Variants in GRM1 observed in about 807,000 individuals in gnomAD.
The protein encoded by GRM1 is metabotropic glutamate receptor 1.
A neutral mutation model predicts 90.9 loss-of-function variants in GRM1; 33 were observed. The ratio of observed to expected loss-of-function variants is 0.36; its 90% CI spans 0.28 to 0.49. GRM1 has a LOEUF of 0.49. GRM1 is among the 20% of genes least tolerant of loss of function. GRM1 has a pLI of 0.99. For missense variants in GRM1, 1,190 were observed against 1,534.3 expected (o/e 0.78, Z 3.75); for synonymous variants, 700 against 613.2 (o/e 1.14, Z -2.09).
intron 2 of GRM1, among the ~76,000 whole-genome samples, chr6:146,262,958 A>G (rs929721825): frequency 6.6e-6 from 1 of 151,990 alleles, no homozygotes; most frequent in African/African-American, 2.4e-5. Flanking sequence ...AGCCATCCAT[A>G]TGGTATTTCT....
At chr6:146,267,741 G>A (rs1049479226) in intron 2 of GRM1, among the ~76,000 whole-genome samples, 1 of 146,522 alleles carries the variant, frequency 6.8e-6, no homozygotes, top group Non-Finnish European at 1.5e-5. Flanking sequence ...GTCTCGTCTC[G>A]TCTCGTCTCG....
intron 3 of GRM1, among the ~76,000 whole-genome samples, chr6:146,323,922 G>A (rs914081037): frequency 8.5e-5 from 13 of 152,136 alleles, no homozygotes; most frequent in African/African-American, 2.9e-4. Context: ...CATTATTTCT[G>A]AGGGCTCTGT....
At chr6:146,070,673 G>T (rs1236604650) in intron 1 of GRM1, among the ~76,000 whole-genome samples, 3 of 152,126 alleles carry the variant, frequency 2.0e-5, no homozygotes, top group Non-Finnish European at 4.4e-5. Context: ...ATAAAATTAA[G>T]AGGTAGCAAA....
intron 1 of GRM1, among the ~76,000 whole-genome samples, chr6:146,152,712 AAGGG>A (rs1437405485): frequency 6.6e-6 from 1 of 152,172 alleles, no homozygotes. Context: ...CATCAAATTG[AAGGG>A]AGAGTCAATG....
intron 2 of GRM1, among the ~76,000 whole-genome samples, chr6:146,262,541 CA>C (rs1273552166): frequency 1.3e-5 from 2 of 151,756 alleles, no homozygotes; most frequent in African/African-American, 4.8e-5. Flanking sequence ...CTGTTTACAA[CA>C]GAAATCATCA....
chr6:146,343,509 T>C (rs1397423508), intron 3 of GRM1, among the ~76,000 whole-genome samples: 1 of 152,110 alleles, frequency 6.6e-6, no homozygotes, highest in Non-Finnish European at 1.5e-5. Flanking sequence ...AGCATGGGTA[T>C]TTATTTTATA....
intron 1 of GRM1, among the ~76,000 whole-genome samples, chr6:146,068,404 C>T (rs1167107683): frequency 1.3e-5 from 2 of 152,176 alleles, no homozygotes; most frequent in South Asian, 2.1e-4. Flanking sequence ...TGAGCCACCG[C>T]GCCCGGCCTC....
intron 2 of GRM1, among the ~76,000 whole-genome samples, chr6:146,167,425 T>C (rs917926268): frequency 2.0e-5 from 3 of 152,144 alleles, no homozygotes; most frequent in Non-Finnish European, 4.4e-5. Context: ...TTATGGGTCA[T>C]AAGTGTGTGT....
intron 2 of GRM1, among the ~76,000 whole-genome samples, chr6:146,210,493 C>T (rs900467372): frequency 4.6e-5 from 7 of 152,020 alleles, no homozygotes; most frequent in Non-Finnish European, 7.4e-5. Flanking sequence ...CAATTTAGTA[C>T]GGGGAACAGA....
In GRM1 at chr6:146,277,226, T is replaced by C. The variant is rs73577150; in HGVS notation, c.951-27385T>C. On this transcript the variant is annotated intron_variant, in intron 2 of 7. Coordinates refer to ENST00000282753, the MANE Select transcript of GRM1 (RefSeq NM_001278064.2). ...GAGTGTGTGCTCAGGAAAGGGTTAA[T>C]TTGTTCATCTTGGGTTAACTCTGGG... 8.5e-3 allele frequency among the ~76,000 whole-genome samples: 1,299 copies of C among 152,334 alleles called. 20 individuals are homozygous for C. Among genetic ancestry groups the C allele is most frequent in the African/African-American group, 0.03 (1,232 of 41,580 alleles).
At chr6:146,310,235 C>A (rs1783727244) in intron 3 of GRM1, among the ~76,000 whole-genome samples, 2 of 152,164 alleles carry the variant, frequency 1.3e-5, no homozygotes, top group Non-Finnish European at 2.9e-5. Context: ...TAGACTGATA[C>A]TAATTTTCAT....
In GRM1 at chr6:146,433,918, G is replaced by A. The variant is rs1390746716; in HGVS notation, c.2707G>A (p.Val903Met). The change falls in exon 8 of 8, where the codon GTG (valine) becomes ATG (methionine). Residue 903 changes from valine (V) to methionine (M), a missense_variant. Physicochemically the swap from Val to Met is conservative, Grantham distance 21. Transcript: ENST00000282753. ...VSWSEPGGGQ[V>M]PKGQHMWHRL... ...ATGGTCTGAACCAGGTGGAGGACAG[G>A]TGCCCAAGGGACAGCATATGTGGCA... 1 of 1,613,884 alleles carries A rather than the reference G, an allele frequency of 6.2e-7. No homozygotes were observed. Among genetic ancestry groups the A allele is most frequent in the African/African-American group, 1.3e-5 (1 of 74,918 alleles).
chr6:146,411,738 A>C lies in GRM1; in HGVS notation c.2660+12039A>C, dbSNP rs190677353. ...AATACTTAAGTAAGAACAAAAGTAAAAGTAAAGTTGCTCAAAAAATTCAAT... is the reference window on the plus strand; with the variant it reads ...AATACTTAAGTAAGAACAAAAGTAACAGTAAAGTTGCTCAAAAAATTCAAT... On this transcript the variant is annotated intron_variant, in intron 7 of 7. Transcript: ENST00000282753. 1.4e-3 allele frequency among the ~76,000 whole-genome samples: 216 copies of C among 152,322 alleles called. 1 individual carries two copies. The highest frequency in any genetic ancestry group is 5.1e-3 in the African/African-American group (210 of 41,566).
intron 1 of GRM1, among the ~76,000 whole-genome samples, chr6:146,149,325 C>T (rs565876638): frequency 6.3e-4 from 96 of 152,258 alleles, no homozygotes; most frequent in Non-Finnish European, 1.1e-3. Context: ...GACAGTGAAG[C>T]ACTGCAGTAA....
At chr6:146,051,062 T>C (rs1791506277) in intron 1 of GRM1, among the ~76,000 whole-genome samples, 1 of 151,964 alleles carries the variant, frequency 6.6e-6, no homozygotes. Context: ...ATAAAAAGTC[T>C]GGGTATGAAG....
intron 1 of GRM1, among the ~76,000 whole-genome samples, chr6:146,087,031 G>T (rs1776570223): frequency 6.6e-6 from 1 of 151,994 alleles, no homozygotes; most frequent in Non-Finnish European, 1.5e-5. Context: ...GAAATTCTAA[G>T]ATCCAAAACT....
chr6:146,369,183 C>A (rs1775808624), intron 5 of GRM1, among the ~76,000 whole-genome samples: 1 of 151,592 alleles, frequency 6.6e-6, no homozygotes, highest in Admixed American at 6.6e-5. Context: ...ATTGTGGTGC[C>A]TTTTTTTCAT....
chr6:146,239,761 G>A (rs1180299289), intron 2 of GRM1, among the ~76,000 whole-genome samples: 2 of 152,090 alleles, frequency 1.3e-5, no homozygotes, highest in African/African-American at 4.8e-5. Context: ...TAATCTAATG[G>A]TTCTCATCAG....
chr6:146,374,350 T>G (rs148573736), intron 5 of GRM1, among the ~76,000 whole-genome samples: 67 of 152,294 alleles, frequency 4.4e-4, no homozygotes, highest in African/African-American at 1.4e-3. Flanking sequence ...TATCTTTATC[T>G]GGTTGTGATA....
Sources: allele counts gnomAD v4.1 joint callset (sites outside exome capture counted in the v4.1 genomes callset), GRCh38; gene constraint gnomAD v4.1.1; transcripts MANE v1.5; gene names NCBI Gene and HGNC (gene_info 2026-07-23, HGNC 2026-07-21).